Variants in LZTFL1 observed in about 807,000 individuals in gnomAD.
LZTFL1 encodes the protein leucine zipper transcription factor like 1.
LZTFL1 carries 25 observed loss-of-function variants against 45.9 expected under a neutral mutation model. The observed-to-expected ratio is 0.54, with a 90% CI of 0.40 to 0.76. The LOEUF is 0.76. Ranked by LOEUF, LZTFL1 falls within the 30% of genes least tolerant of loss-of-function variation. The probability of loss-of-function intolerance (pLI) is 0.00; values close to 1 mark genes in which losing one functional copy is unlikely to be tolerated. For synonymous variants in LZTFL1, 93 were observed against 117.4 expected (o/e 0.79, Z 1.35); for missense variants, 277 against 331.1 (o/e 0.84, Z 1.27).
At chr3:45,836,315 G>A (rs1700964604) in intron 2 of LZTFL1, among the ~76,000 whole-genome samples, 1 of 151,954 alleles carries the variant, frequency 6.6e-6, no homozygotes, top group African/African-American at 2.4e-5. Flanking sequence ...AAGTTCTACT[G>A]AACACTCCAC....
At chr3:45,877,741 G>GTT (rs71288016) in intron 2 of LZTFL1, among the ~76,000 whole-genome samples, 48 of 137,080 alleles carry the variant, frequency 3.5e-4, no homozygotes, top group Middle Eastern at 4.0e-3. Context: ...TCATTTATTA[G>GTT]TTTTTTTTTT....
At chr3:45,866,030 C>A (rs1350610383) in intron 2 of LZTFL1, among the ~76,000 whole-genome samples, 1 of 152,144 alleles carries the variant, frequency 6.6e-6, no homozygotes, top group Admixed American at 6.5e-5. Context: ...AGAAGCCAGA[C>A]AAAAGAGTAT....
intron 7 of LZTFL1, 90 bp downstream of exon 7, chr3:45,830,823 G>A (rs1700793658): frequency 1.9e-6 from 2 of 1,077,728 alleles, no homozygotes; most frequent in Admixed American, 3.8e-5. Flanking sequence ...CAGGGGTGGG[G>A]TACAGTGAGC....
At chr3:45,894,869 A>C (rs1299448315) in intron 2 of LZTFL1, 1 of 1,506,278 alleles carries the variant, frequency 6.6e-7, no homozygotes, top group East Asian at 2.3e-5. Flanking sequence ...ATTCGTTTAC[A>C]AGCCAGTCCA....
chr3:45,868,772 T>C (rs1575278732), intron 2 of LZTFL1, among the ~76,000 whole-genome samples: 1 of 152,316 alleles, frequency 6.6e-6, no homozygotes, highest in Admixed American at 6.5e-5. Flanking sequence ...GCCTCTCTGA[T>C]ACATTGTCTC....
chr3:45,908,502 T>A (rs1207086624), intron 2 of LZTFL1, among the ~76,000 whole-genome samples: 4 of 152,030 alleles, frequency 2.6e-5, no homozygotes, highest in African/African-American at 7.2e-5. Flanking sequence ...TGGTTATCAG[T>A]ACAGGAAGCT....
intron 2 of LZTFL1, among the ~76,000 whole-genome samples, chr3:45,874,549 C>T (rs1701718351): frequency 6.6e-6 from 1 of 152,150 alleles, no homozygotes; most frequent in Non-Finnish European, 1.5e-5. Flanking sequence ...CTTCTCCCAT[C>T]TGAAGTAGCT....
At chr3:45,846,666 T>C (rs1701221803), upstream of LZTFL1, among the ~76,000 whole-genome samples, 2 of 151,900 alleles carry the variant, frequency 1.3e-5, no homozygotes, top group South Asian at 4.1e-4. Flanking sequence ...AGAGAAAATA[T>C]ATTTACTATT....
At chr3:45,866,656 C>T (rs7625839) in intron 2 of LZTFL1, among the ~76,000 whole-genome samples, 84,614 of 152,000 alleles carry the variant, frequency 0.56, 23,869 homozygotes, top group East Asian at 0.69. Flanking sequence ...GGCTTCACAC[C>T]CTTCCACTGC....
chr3:45,911,565 C>T (rs1038359092), intron 2 of LZTFL1, among the ~76,000 whole-genome samples: 5 of 152,248 alleles, frequency 3.3e-5, no homozygotes, highest in African/African-American at 1.2e-4. Context: ...AGTTCAAGCA[C>T]TGATGTTCCA....
chr3:45,907,335 A>G (rs1702702559), intron 2 of LZTFL1, among the ~76,000 whole-genome samples: 1 of 152,046 alleles, frequency 6.6e-6, no homozygotes, highest in Admixed American at 6.5e-5. Flanking sequence ...TGGCCTGATG[A>G]TGGCCCTGCC....
intron 2 of LZTFL1, among the ~76,000 whole-genome samples, chr3:45,912,861 T>C (rs1380351601): frequency 6.6e-6 from 1 of 152,116 alleles, no homozygotes; most frequent in East Asian, 1.9e-4. Context: ...TTTGAGGTTA[T>C]CCAACTTCAA....
intron 2 of LZTFL1, among the ~76,000 whole-genome samples, chr3:45,881,757 G>A (rs1052238229): frequency 2.0e-5 from 3 of 152,128 alleles, no homozygotes; most frequent in African/African-American, 7.2e-5. Context: ...ACTGGGGAAG[G>A]AAGAGCTCAG....
intron 2 of LZTFL1, chr3:45,883,764 C>T: frequency 1.8e-6 from 1 of 563,948 alleles, no homozygotes; most frequent in Non-Finnish European, 3.2e-6. Context: ...CAATGCATCC[C>T]CATGAACACA....
rs778370402 is a variant in LZTFL1, at chr3:45,835,786, T to C, written c.129-2A>G. 2 of 1,585,784 alleles carry C rather than the reference T, an allele frequency of 1.3e-6. No individual in the cohort carries two copies. Among genetic ancestry groups the C allele is most frequent in the Admixed American group, 1.8e-5 (1 of 56,888 alleles). Reference sequence around the variant, plus strand: ...ATGGTGAAGGTGTCCTCCACCAGCCTGAAAAACAACCATGATCCAAAACTT... The same window carrying C: ...ATGGTGAAGGTGTCCTCCACCAGCCCGAAAAACAACCATGATCCAAAACTT... On this transcript the variant is annotated splice_acceptor_variant, in intron 2 of 9. Coordinates refer to ENST00000296135, the MANE Select transcript of LZTFL1 (RefSeq NM_020347.4). LOFTEE classifies it high-confidence loss of function.
chr3:45,855,776 A>G (rs1231373763), intron 3 of LZTFL1, among the ~76,000 whole-genome samples: 1 of 152,234 alleles, frequency 6.6e-6, no homozygotes, highest in East Asian at 1.9e-4. Context: ...AGACAGCCAA[A>G]TCATGAATGA....
intron 2 of LZTFL1, among the ~76,000 whole-genome samples, chr3:45,885,842 A>G (rs1701967703): frequency 1.3e-5 from 2 of 152,142 alleles, no homozygotes; most frequent in South Asian, 4.1e-4. Context: ...TTCCCTGAGT[A>G]TCTGGGACTA....
chr3:45,871,993 T>C (rs528458484), intron 2 of LZTFL1, among the ~76,000 whole-genome samples: 12 of 152,212 alleles, frequency 7.9e-5, no homozygotes, highest in Non-Finnish European at 1.8e-4. Flanking sequence ...CCTGGGGTTA[T>C]CTGAGGGGCT....
intron 2 of LZTFL1, among the ~76,000 whole-genome samples, chr3:45,891,138 T>C (rs949633698): frequency 2.6e-5 from 4 of 152,224 alleles, no homozygotes; most frequent in African/African-American, 9.6e-5. Context: ...TGTCAGTGTT[T>C]TCCTGGCCCC....
Sources: allele counts gnomAD v4.1 joint callset (sites outside exome capture counted in the v4.1 genomes callset), GRCh38; gene constraint gnomAD v4.1.1; transcripts MANE v1.5; gene names NCBI Gene and HGNC (gene_info 2026-07-23, HGNC 2026-07-21).